SCOC: variants seen among roughly 807,000 people sequenced by gnomAD.
SCOC encodes short coiled-coil protein.
SCOC carries 7 observed loss-of-function variants against 9.9 expected under a neutral mutation model. The ratio of observed to expected loss-of-function variants is 0.71; its 90% CI spans 0.40 to 1.33. The LOEUF (loss-of-function observed/expected upper bound fraction) is 1.33. Ranked by LOEUF, SCOC falls within the 40% of genes most tolerant of loss-of-function variation. The pLI is 0.01. For synonymous variants in SCOC, 19 were observed against 28.2 expected (o/e 0.67, Z 1.03); for missense variants, 66 against 89.7 (o/e 0.74, Z 1.07).
At chr4:140,319,220 T>C (rs1732424783) in intron 1 of SCOC, among the ~76,000 whole-genome samples, 1 of 152,030 alleles carries the variant, frequency 6.6e-6, no homozygotes, top group Non-Finnish European at 1.5e-5. Context: ...GCCTCCTGAG[T>C]AGCTGGGATT....
intron 1 of SCOC, among the ~76,000 whole-genome samples, chr4:140,320,945 A>G (rs1023883114): frequency 1.3e-5 from 2 of 152,158 alleles, no homozygotes; most frequent in South Asian, 2.1e-4. Flanking sequence ...GTAAGAATAT[A>G]AGAGGTCGCC....
chr4:140,321,877 G>A (rs531563208), intron 1 of SCOC, among the ~76,000 whole-genome samples: 4 of 152,194 alleles, frequency 2.6e-5, no homozygotes, highest in Admixed American at 6.6e-5. Flanking sequence ...ATGCAACAAT[G>A]TCTTAGAGAT....
At chr4:140,278,032 T>A (rs1213628906) in intron 1 of SCOC, among the ~76,000 whole-genome samples, 1 of 152,258 alleles carries the variant, frequency 6.6e-6, no homozygotes, top group Non-Finnish European at 1.5e-5. Context: ...TATATTTGCT[T>A]CTTCTGACTT....
At chr4:140,315,367 A>T (rs1732285841) in intron 1 of SCOC, among the ~76,000 whole-genome samples, 1 of 152,336 alleles carries the variant, frequency 6.6e-6, no homozygotes, top group African/African-American at 2.4e-5. Flanking sequence ...TTCTCACCAC[A>T]ACCCTTTCAG....
chr4:140,273,314 CTCTATA>C (rs1313435950), intron 1 of SCOC, among the ~76,000 whole-genome samples: 2 of 152,214 alleles, frequency 1.3e-5, no homozygotes, highest in African/African-American at 4.8e-5. Flanking sequence ...TGATGTTTTA[CTCTATA>C]TCTATGAGAC....
chr4:140,319,582 T>C (rs1732438144), intron 1 of SCOC, among the ~76,000 whole-genome samples: 1 of 152,176 alleles, frequency 6.6e-6, no homozygotes. Context: ...TGATTCTCAG[T>C]TCTAATTTCC....
rs2126607240 is a variant in SCOC, at chr4:140,383,383, C to T, written c.*2279C>T. On this transcript the variant is annotated 3_prime_UTR_variant, in exon 4 of 4. Coordinates refer to ENST00000608372, the MANE Select transcript of SCOC (RefSeq NM_001153484.2). ...TCTAAACTGATAGGCAAATTATTTG[C>T]TCTCACCCTTGCTGCTGCCCATTTA... The T allele has an allele frequency of 6.6e-6, 1 of 152,320 alleles. No individual in the cohort carries two copies. Among genetic ancestry groups the T allele is most frequent in the East Asian group, 1.9e-4 (1 of 5,182 alleles). The allele number at this position is 152,320 out of a possible 1,614,324, so 9.4% of individuals were successfully genotyped here.
At chr4:140,374,183 G>A (rs1410181089) in intron 1 of SCOC, 18 of 457,734 alleles carry the variant, frequency 3.9e-5, no homozygotes, top group Non-Finnish European at 6.1e-5. Flanking sequence ...CGTAAAATAA[G>A]GATTGGACCA....
At chr4:140,281,915 G>A (rs1043296725) in intron 1 of SCOC, among the ~76,000 whole-genome samples, 1 of 152,094 alleles carries the variant, frequency 6.6e-6, no homozygotes, top group Non-Finnish European at 1.5e-5. Context: ...TGTTTTGAGG[G>A]CTCTCTACAA....
At chr4:140,300,371 C>G (rs184496347) in intron 1 of SCOC, among the ~76,000 whole-genome samples, 86 of 152,336 alleles carry the variant, frequency 5.6e-4, no homozygotes, top group Non-Finnish European at 1.2e-4. Flanking sequence ...TCTGCACACT[C>G]ACGGGCAGCC....
intron 1 of SCOC, among the ~76,000 whole-genome samples, chr4:140,290,238 A>C (rs562064093): frequency 6.6e-6 from 1 of 152,388 alleles, no homozygotes; most frequent in Admixed American, 6.5e-5. Context: ...GCCAGCAGCC[A>C]TACAACAGTG....
chr4:140,320,597 C>T (rs1248513755), intron 1 of SCOC, among the ~76,000 whole-genome samples: 1 of 152,082 alleles, frequency 6.6e-6, no homozygotes, highest in Non-Finnish European at 1.5e-5. Flanking sequence ...GTTTTTCCCT[C>T]CAAGAACAAT....
At chr4:140,341,230 C>G (rs1726501816), upstream of SCOC, among the ~76,000 whole-genome samples, 1 of 152,154 alleles carries the variant, frequency 6.6e-6, no homozygotes, top group Admixed American at 6.5e-5. Context: ...ATAATAAAAA[C>G]AAAACCAAGT....
intron 2 of SCOC, among the ~76,000 whole-genome samples, chr4:140,348,748 T>C (rs1726851757): frequency 1.3e-5 from 2 of 151,480 alleles, no homozygotes; most frequent in African/African-American, 4.9e-5. Context: ...GAGTGCTGGA[T>C]CATATGGTAG....
At chr4:140,378,037 C>T (rs1229006064) in intron 1 of SCOC, among the ~76,000 whole-genome samples, 2 of 151,998 alleles carry the variant, frequency 1.3e-5, no homozygotes, top group Non-Finnish European at 2.9e-5. Context: ...AGCAATGGAG[C>T]AGAACATGTT....
chr4:140,277,812 G>T (rs1051677012), intron 1 of SCOC, among the ~76,000 whole-genome samples: 1 of 152,190 alleles, frequency 6.6e-6, no homozygotes, highest in Non-Finnish European at 1.5e-5. Context: ...TCTAGGGAAA[G>T]GCCCAAATGG....
intron 1 of SCOC, among the ~76,000 whole-genome samples, chr4:140,259,296 T>C (rs980033017): frequency 1.3e-5 from 2 of 152,206 alleles, no homozygotes; most frequent in Non-Finnish European, 2.9e-5. Context: ...CTTCATAATA[T>C]CTCTTGCATT....
At chr4:140,307,796 T>C (rs1052035685) in intron 1 of SCOC, among the ~76,000 whole-genome samples, 2 of 152,222 alleles carry the variant, frequency 1.3e-5, no homozygotes, top group Non-Finnish European at 2.9e-5. Context: ...AGGGATTGTA[T>C]GCCTTTACAT....
At chr4:140,328,101 G>A (rs1732703067) in intron 1 of SCOC, among the ~76,000 whole-genome samples, 1 of 152,214 alleles carries the variant, frequency 6.6e-6, no homozygotes, top group South Asian at 2.1e-4. Context: ...TTTTAAATGG[G>A]AAGATGCAGG....
Sources: gnomAD v4.1 joint callset for allele counts (sites outside exome capture counted in the v4.1 genomes callset) on GRCh38, gnomAD v4.1.1 for gene constraint, MANE v1.5 for transcripts, NCBI Gene and HGNC (gene_info 2026-07-23, HGNC 2026-07-21) for gene names.